ADGRL2: variants seen among roughly 807,000 people sequenced by gnomAD.
The protein encoded by ADGRL2 is adhesion G protein-coupled receptor L2, also known as calcium-independent alpha-latrotoxin receptor 2.
In ADGRL2, 44 loss-of-function variants were observed where a neutral mutation model predicts 157.4. The ratio of observed to expected loss-of-function variants is 0.28; its 90% confidence interval spans 0.22 to 0.36. The LOEUF (loss-of-function observed/expected upper bound fraction) is 0.36. Ranked by LOEUF, ADGRL2 falls within the 10% of genes least tolerant of loss-of-function variation. The probability of loss-of-function intolerance (pLI) is 1.00; values close to 1 mark genes in which losing one functional copy is unlikely to be tolerated. For missense variants in ADGRL2, 1,510 were observed against 1,768.9 expected (o/e 0.85, Z 2.63); for synonymous variants, 585 against 624.7 (o/e 0.94, Z 0.95).
At chr1:81,670,470 C>T (rs186898459) in intron 3 of ADGRL2, among the ~76,000 whole-genome samples, 1 of 152,290 alleles carries the variant, frequency 6.6e-6, no homozygotes, top group Non-Finnish European at 1.5e-5. Flanking sequence ...ACGGACTCCT[C>T]TGGCACGAAG....
At position 81,440,733 on chromosome 1, in the gene ADGRL2, G is replaced by A. The variant is rs1205706162; in HGVS notation, c.-301-4303G>A. On this transcript the variant is annotated intron_variant, in intron 1 of 24. Coordinates refer to the ADGRL2 transcript ENST00000370721. ...TTTGACATCCGTATTTCTGTTAATA[G>A]CAACCCAATTTCTTCTGTGAGGCTC... is the stretch of plus-strand genomic sequence containing the variant. 5.3e-5 allele frequency among the ~76,000 whole-genome samples: 8 copies of A among 152,098 alleles called. 1 individual carries two copies. The East Asian group carries it at 1.5e-3, about 29-fold the overall frequency.
rs148043383 is a variant in ADGRL2 at position 81,612,167 on chromosome 1, A to G, written c.-143+31187A>G. 2.1e-3 allele frequency among the ~76,000 whole-genome samples: 315 copies of G among 152,308 alleles called. 1 individual carries two copies. The highest frequency in any genetic ancestry group is 3.3e-3 in the Non-Finnish European group (225 of 68,024). On this transcript the variant is annotated intron_variant, in intron 3 of 24. Transcript: ENST00000370721. ...CCTTGTGAATAGGACCCAGGAATCAATATTTATCAAATACTCCCCTGGTGA... is the reference window on the plus strand; with the variant it reads ...CCTTGTGAATAGGACCCAGGAATCAGTATTTATCAAATACTCCCCTGGTGA...
rs1657646884 is a variant in ADGRL2 at position 81,968,047 on chromosome 1, A to G, written c.2371A>G (p.Asn791Asp). Residue 791 changes from asparagine (N) to aspartate (D), a missense_variant, in exon 14 of 24, where the codon AAC becomes GAC. Transcript: ENST00000686636. The part of the protein sequence containing the change: ...HIDPDNYFNA[N>D]CSFWNYSERT... ...CCAGCCTGACAATTATTTCAATGCA[A>G]ACTGCTCCTTCTGGAACTACTCAGA... 6.2e-7 allele frequency: 1 copy of G among 1,613,846 alleles called. No individual in the cohort carries two copies. Among genetic ancestry groups the G allele is most frequent in the South Asian group, 1.1e-5 (1 of 91,074 alleles).
At chr1:81,892,377 TA>T (rs912112726) in intron 2 of ADGRL2, among the ~76,000 whole-genome samples, 39 of 152,242 alleles carry the variant, frequency 2.6e-4, no homozygotes, top group African/African-American at 9.1e-4. Flanking sequence ...GAGGAGCATT[TA>T]AAAAATGTAG....
intron 2 of ADGRL2, among the ~76,000 whole-genome samples, chr1:81,771,490 T>A (rs562482353): frequency 6.6e-6 from 1 of 152,098 alleles, no homozygotes; most frequent in African/African-American, 2.4e-5. Flanking sequence ...AATAAATGCA[T>A]CGCATAGAGG....
At chr1:81,323,731 G>T (rs565083509) in intron 1 of ADGRL2, among the ~76,000 whole-genome samples, 1 of 152,176 alleles carries the variant, frequency 6.6e-6, no homozygotes, top group Admixed American at 6.6e-5. Flanking sequence ...GTCAAGGAAG[G>T]CTTCTTTGAA....
rs559119065 is a variant in ADGRL2 at position 81,825,334 on chromosome 1, GC to G, written c.-100-11550del. Among the ~76,000 whole-genome samples the G allele has an allele frequency of 3.7e-4, 57 of 152,174 alleles. No homozygotes were observed. The South Asian group carries it at 0.012, about 31-fold the overall frequency. On this transcript the variant is annotated intron_variant, in intron 1 of 23. Transcript: ENST00000686636. ...CTATGGTCGTGCCATTGCACTCTTAGCTGAGCAGCAGAGCAAGACGCTCTCT... is the reference window on the plus strand; with the variant it reads ...CTATGGTCGTGCCATTGCACTCTTAGTGAGCAGCAGAGCAAGACGCTCTCT...
chr1:81,430,001 C>A (rs908195306), intron 1 of ADGRL2, among the ~76,000 whole-genome samples: 17 of 152,330 alleles, frequency 1.1e-4, no homozygotes, highest in African/African-American at 3.8e-4. Context: ...TCAAGCGATT[C>A]TCCTGTCTCA....
intron 2 of ADGRL2, among the ~76,000 whole-genome samples, chr1:81,492,369 T>A (rs12057919): frequency 0.15 from 22,156 of 152,094 alleles, 2,970 homozygotes; most frequent in African/African-American, 0.36. Flanking sequence ...CAAATTCTGC[T>A]TACTTTTTAA....
At chr1:81,767,869 G>GAAAAAAA (rs1225496041) in intron 2 of ADGRL2, among the ~76,000 whole-genome samples, 1 of 112,310 alleles carries the variant, frequency 8.9e-6, no homozygotes, top group Non-Finnish European at 1.9e-5. Context: ...AAAAAAAAAA[G>GAAAAAAA]AAAAAAAAAA....
intron 3 of ADGRL2, among the ~76,000 whole-genome samples, chr1:81,660,658 G>A (rs923821790): frequency 6.6e-6 from 1 of 151,790 alleles, no homozygotes; most frequent in African/African-American, 2.4e-5. Flanking sequence ...TTTTTCAAAG[G>A]GGACCTTTGA....
At chr1:81,989,521 A>C (rs1664138564) in intron 23 of ADGRL2, 1 of 625,208 alleles carries the variant, frequency 1.6e-6, no homozygotes, top group Admixed American at 2.9e-5. Context: ...AAAATAATAA[A>C]TATTAAATGA....
intron 1 of ADGRL2, among the ~76,000 whole-genome samples, chr1:81,356,046 T>A (rs937085418): frequency 1.3e-5 from 2 of 152,156 alleles, no homozygotes; most frequent in African/African-American, 4.8e-5. Context: ...TGCTTACCAA[T>A]TGACATGAAA....
chr1:81,859,549 TG>T (rs1489007831), intron 2 of ADGRL2, among the ~76,000 whole-genome samples: 1 of 151,470 alleles, frequency 6.6e-6, no homozygotes. Flanking sequence ...TGGGACTACA[TG>T]TGTGCACCAC....
chr1:81,495,275 T>C (rs1015152419), intron 2 of ADGRL2, among the ~76,000 whole-genome samples: 1 of 152,096 alleles, frequency 6.6e-6, no homozygotes, highest in Non-Finnish European at 1.5e-5. Flanking sequence ...AAGGCGCTCA[T>C]CTCCAGCTGC....
chr1:81,973,042 A>G (rs1292282377), intron 17 of ADGRL2, among the ~76,000 whole-genome samples: 1 of 152,190 alleles, frequency 6.6e-6, no homozygotes, highest in African/African-American at 2.4e-5. Context: ...ACGTAACACA[A>G]ATGAGCTCGT....
chr1:81,747,961 A>G (rs2085355557), intron 1 of ADGRL2, among the ~76,000 whole-genome samples: 1 of 152,138 alleles, frequency 6.6e-6, no homozygotes, highest in Admixed American at 6.5e-5. Flanking sequence ...AGAACTAGGA[A>G]GACTTTAAGC....
chr1:81,635,373 T>C (rs1278660019), intron 3 of ADGRL2, among the ~76,000 whole-genome samples: 4 of 152,208 alleles, frequency 2.6e-5, no homozygotes, highest in African/African-American at 9.7e-5. Flanking sequence ...TTGCAGGTGC[T>C]CTGCCTTCGA....
intron 1 of ADGRL2, among the ~76,000 whole-genome samples, chr1:81,413,541 G>A (rs1015131489): frequency 2.6e-5 from 4 of 152,096 alleles, no homozygotes; most frequent in East Asian, 3.9e-4. Context: ...GAATGTAATT[G>A]CTAGAGACAT....
Sources: allele counts gnomAD v4.1 joint callset (sites outside exome capture counted in the v4.1 genomes callset), GRCh38; gene constraint gnomAD v4.1.1; transcripts MANE v1.5; gene names NCBI Gene and HGNC (gene_info 2026-07-23, HGNC 2026-07-21).